Variants in CDH23 observed in about 807,000 individuals in gnomAD.
CDH23 encodes cadherin related 23, also known as cadherin-23.
In CDH23, 189 loss-of-function variants were observed where a neutral mutation model predicts 317.1. That is an observed-to-expected ratio of 0.60 (90% CI 0.53 to 0.67). The LOEUF is 0.67. Among genes scored for constraint, CDH23 ranks in the 30% least tolerant of loss-of-function variants. The pLI, the probability that CDH23 is intolerant of heterozygous loss-of-function variation, is 0.00. For synonymous variants in CDH23, 1,839 were observed against 1,876.8 expected (o/e 0.98, Z 0.52); for missense variants, 4,401 against 4,592.4 (o/e 0.96, Z 1.20).
intron 8 of CDH23, among the ~76,000 whole-genome samples, chr10:71,574,214 G>A (rs1020591175): frequency 2.0e-5 from 3 of 151,332 alleles, no homozygotes; most frequent in African/African-American, 7.3e-5. Flanking sequence ...CAGCATGTAT[G>A]CCTCCCCCTA....
chr10:71,707,429 C>T lies in CDH23; in HGVS notation c.3106+380C>T, dbSNP rs114808643. The stretch of plus-strand genomic sequence containing the variant: ...TTGGAGGAATGTGGCCTCATCCTTC[C>T]TTGGGGACCTGTTGAGAATTCCCAC... On this transcript the variant is annotated intron_variant, in intron 26 of 69. Transcript: ENST00000224721. The T allele has an allele frequency of 2.3e-4, 298 of 1,268,810 alleles. 2 individuals are homozygous for T. The African/African-American group carries it at 4.0e-3, about 17-fold the overall frequency. 78.6% of individuals were successfully genotyped at this position (1,268,810 alleles called of 1,614,324 possible). A position where few individuals can be genotyped will look rare whatever the true frequency, so the allele number is the denominator to read the frequency against.
chr10:71,484,591 G>A (rs983603421), intron 3 of CDH23, among the ~76,000 whole-genome samples: 7 of 152,190 alleles, frequency 4.6e-5, no homozygotes, highest in Admixed American at 6.5e-5. Context: ...GTCAGAGCCC[G>A]GCCCTGCTCT....
chr10:71,756,505 T>G (rs1252052771), intron 38 of CDH23, among the ~76,000 whole-genome samples: 1 of 152,220 alleles, frequency 6.6e-6, no homozygotes, highest in East Asian at 1.9e-4. Context: ...AAATCTGTAG[T>G]AAATTCCTAG....
intron 11 of CDH23, among the ~76,000 whole-genome samples, chr10:71,641,760 T>C (rs1862561293): frequency 6.6e-6 from 1 of 152,132 alleles, no homozygotes; most frequent in Non-Finnish European, 1.5e-5. Context: ...AAATCCCTTT[T>C]CTGCCAGTCC....
intron 6 of CDH23, among the ~76,000 whole-genome samples, chr10:71,554,968 C>T (rs1038280216): frequency 2.6e-5 from 4 of 152,102 alleles, no homozygotes; most frequent in African/African-American, 4.8e-5. Flanking sequence ...CTGGGACTTT[C>T]CTAATCAGGC....
intron 1 of CDH23, among the ~76,000 whole-genome samples, chr10:71,436,541 T>C (rs1291839361): frequency 6.6e-6 from 1 of 152,220 alleles, no homozygotes; most frequent in African/African-American, 2.4e-5. Flanking sequence ...CAGGCAGACC[T>C]GGTCAATCCT....
At chr10:71,742,600 T>C (rs1255680138) in intron 38 of CDH23, among the ~76,000 whole-genome samples, 1 of 152,218 alleles carries the variant, frequency 6.6e-6, no homozygotes, top group Non-Finnish European at 1.5e-5. Context: ...TGTGGCTGGC[T>C]GCATGATCTT....
At chr10:71,408,792 CA>C (rs367675042) in intron 1 of CDH23, among the ~76,000 whole-genome samples, 56 of 152,284 alleles carry the variant, frequency 3.7e-4, no homozygotes, top group African/African-American at 1.3e-3. Flanking sequence ...GCCTGGGTGT[CA>C]GGGGCAAGGG....
At chr10:71,730,736 G>A in intron 31 of CDH23, 132 bp downstream of exon 31, 1 of 1,334,106 alleles carries the variant, frequency 7.5e-7, no homozygotes, top group South Asian at 1.3e-5. Context: ...GGCCAGGGAG[G>A]GGCTGCTGGG....
chr10:71,760,028 C>CACACACACATATATAT (rs1564779681), intron 38 of CDH23, among the ~76,000 whole-genome samples: 3 of 47,190 alleles, frequency 6.4e-5, no homozygotes, highest in African/African-American at 1.9e-4. Context: ...CACATATATA[C>CACACACACATATATAT]ACACACACAC....
intron 38 of CDH23, among the ~76,000 whole-genome samples, chr10:71,771,045 G>A (rs1840672453): frequency 6.6e-6 from 1 of 152,216 alleles, no homozygotes; most frequent in South Asian, 2.1e-4. Context: ...GGTTTGCTAT[G>A]AAGGAGAAGA....
At chr10:71,725,340 C>T (rs370546388) in intron 29 of CDH23, 32 bp from the exon 30 acceptor site, 41 of 1,613,888 alleles carry the variant, frequency 2.5e-5, no homozygotes, top group South Asian at 8.8e-5. Context: ...TGGGCAGGGC[C>T]GGTGTTCCAG....
intron 18 of CDH23, among the ~76,000 whole-genome samples, chr10:71,684,419 G>A (rs1334798860): frequency 6.6e-6 from 1 of 152,206 alleles, no homozygotes; most frequent in Non-Finnish European, 1.5e-5. Context: ...GAAGGTGAAT[G>A]TGCAGCCTGC....
At chr10:71,809,131 C>T (rs1162941069) in intron 60 of CDH23, among the ~76,000 whole-genome samples, 1 of 150,464 alleles carries the variant, frequency 6.6e-6, no homozygotes, top group Non-Finnish European at 1.5e-5. Context: ...ACCACCTGAC[C>T]ATCTCTCTTC....
chr10:71,653,898 C>A (rs1298195050), intron 14 of CDH23, among the ~76,000 whole-genome samples: 1 of 152,154 alleles, frequency 6.6e-6, no homozygotes, highest in African/African-American at 2.4e-5. Context: ...GGTGTCTTAT[C>A]TGGGAGTCGG....
At chr10:71,755,229 G>C (rs1840102002) in intron 38 of CDH23, 1 of 900,014 alleles carries the variant, frequency 1.1e-6, no homozygotes. Flanking sequence ...GGGAAGTGCA[G>C]CTGCTCCCAA....
chr10:71,568,409 C>T (rs948623414), intron 7 of CDH23, among the ~76,000 whole-genome samples: 1 of 152,334 alleles, frequency 6.6e-6, no homozygotes, highest in African/African-American at 2.4e-5. Flanking sequence ...GGATAATTTC[C>T]ACCCACCATA....
intron 3 of CDH23, among the ~76,000 whole-genome samples, chr10:71,487,286 T>C (rs1564611302): frequency 6.6e-6 from 1 of 152,224 alleles, no homozygotes; most frequent in Non-Finnish European, 1.5e-5. Context: ...TGTATACAGA[T>C]GACCCTTGAG....
At chr10:71,716,016 G>C in intron 28 of CDH23, 2 of 1,499,982 alleles carry the variant, frequency 1.3e-6, no homozygotes, top group South Asian at 2.6e-5. Context: ...GGGACGGTGG[G>C]CCGGCCATGG....
Sources: allele counts gnomAD v4.1 joint callset (sites outside exome capture counted in the v4.1 genomes callset), GRCh38; gene constraint gnomAD v4.1.1; transcripts MANE v1.5; gene names NCBI Gene and HGNC (gene_info 2026-07-23, HGNC 2026-07-21).